The following SUGCT variants were observed in gnomAD, a reference collection of about 807,000 sequenced individuals.
SUGCT encodes succinyl-CoA:glutarate-CoA transferase.
A neutral mutation model predicts 55.0 loss-of-function variants in SUGCT; 41 were observed. The observed-to-expected ratio is 0.74, with a 90% CI of 0.58 to 0.97. The LOEUF is 0.97. SUGCT is among the 50% of genes least tolerant of loss of function. The probability of loss-of-function intolerance (pLI) is 0.00; values close to 1 mark genes in which losing one functional copy is unlikely to be tolerated. For synonymous variants in SUGCT, 187 were observed against 200.4 expected (o/e 0.93, Z 0.56); for missense variants, 568 against 547.8 (o/e 1.04, Z -0.37).
chr7:40,449,403 C>G, intron 10 of SUGCT, 45 bp downstream of exon 10: 1 of 1,498,894 alleles, frequency 6.7e-7, no homozygotes, highest in Non-Finnish European at 9.2e-7. Flanking sequence ...TGTACAAAGC[C>G]AGGGAAAGTT....
At chr7:40,279,634 G>T (rs1001891627) in intron 8 of SUGCT, among the ~76,000 whole-genome samples, 3 of 149,402 alleles carry the variant, frequency 2.0e-5, no homozygotes, top group African/African-American at 7.7e-5. Context: ...TTAAAAAGTT[G>T]GCTAATAACA....
At chr7:40,676,498 TTTTTTG>T (rs1264362504) in intron 12 of SUGCT, among the ~76,000 whole-genome samples, 3 of 129,748 alleles carry the variant, frequency 2.3e-5, no homozygotes, top group African/African-American at 7.9e-5. Context: ...TGCGGTTTTG[TTTTTTG>T]TTTTTTTTTT....
chr7:40,753,082 A>G (rs1788095879), intron 13 of SUGCT, among the ~76,000 whole-genome samples: 1 of 152,222 alleles, frequency 6.6e-6, no homozygotes. Flanking sequence ...CAGATGTCAG[A>G]TAAAAAGAGG....
chr7:40,883,805 A>G, the SUGCT span, among the ~76,000 whole-genome samples: 1 of 152,156 alleles, frequency 6.6e-6, no homozygotes, highest in African/African-American at 2.4e-5. Context: ...ATTTATCCCT[A>G]TCTCAGTCCC....
intron 9 of SUGCT, among the ~76,000 whole-genome samples, chr7:40,358,234 A>G (rs918362039): frequency 6.6e-6 from 1 of 152,214 alleles, no homozygotes; most frequent in Non-Finnish European, 1.5e-5. Context: ...AAAAATAGGG[A>G]GAGGTTATAC....
At chr7:40,166,111 G>C (rs1017137632) in intron 1 of SUGCT, among the ~76,000 whole-genome samples, 3 of 152,174 alleles carry the variant, frequency 2.0e-5, no homozygotes, top group African/African-American at 7.2e-5. Context: ...GACAGAGCTA[G>C]ACTCCATCTT....
At chr7:40,173,801 T>A (rs1376674092) in intron 1 of SUGCT, among the ~76,000 whole-genome samples, 2 of 151,008 alleles carry the variant, frequency 1.3e-5, no homozygotes, top group Non-Finnish European at 2.9e-5. Context: ...ATTTATTTAA[T>A]TGTACAATTT....
intron 1 of SUGCT, among the ~76,000 whole-genome samples, chr7:40,145,697 A>G (rs1788208791): frequency 6.6e-6 from 1 of 152,216 alleles, no homozygotes; most frequent in Non-Finnish European, 1.5e-5. Flanking sequence ...TTTGGTATTA[A>G]TAAGACCCTG....
intron 12 of SUGCT, among the ~76,000 whole-genome samples, chr7:40,599,268 G>A (rs1410629764): frequency 6.6e-6 from 1 of 152,166 alleles, no homozygotes; most frequent in African/African-American, 2.4e-5. Flanking sequence ...TGTGGGTAGC[G>A]TGTGTATTCT....
chr7:40,661,802 T>G (rs1801312073), intron 12 of SUGCT, among the ~76,000 whole-genome samples: 1 of 152,206 alleles, frequency 6.6e-6, no homozygotes, highest in Non-Finnish European at 1.5e-5. Flanking sequence ...GATTTCCTTC[T>G]TCTTGGTCTT....
intron 12 of SUGCT, among the ~76,000 whole-genome samples, chr7:40,590,258 C>T (rs79555726): frequency 0.011 from 1,735 of 152,146 alleles, 40 homozygotes; most frequent in African/African-American, 0.038. Context: ...TCCTGAAAGA[C>T]GATAATATTA....
At chr7:40,375,755 A>G (rs559595690) in intron 9 of SUGCT, among the ~76,000 whole-genome samples, 5 of 152,312 alleles carry the variant, frequency 3.3e-5, no homozygotes, top group Admixed American at 1.3e-4. Context: ...AAATAGACAT[A>G]TAAATTATGT....
At chr7:40,379,250 G>T (rs1383545806) in intron 9 of SUGCT, among the ~76,000 whole-genome samples, 9 of 152,156 alleles carry the variant, frequency 5.9e-5, no homozygotes, top group Admixed American at 5.9e-4. Flanking sequence ...AACTACCAGA[G>T]AATAAATTCC....
At chr7:40,972,022 C>A in the SUGCT span, among the ~76,000 whole-genome samples, 1 of 151,918 alleles carries the variant, frequency 6.6e-6, no homozygotes, top group Admixed American at 6.6e-5. Flanking sequence ...CTCTGGTTAA[C>A]ATTTTTCTTT....
the SUGCT span, among the ~76,000 whole-genome samples, chr7:40,958,144 G>A: frequency 1.3e-5 from 2 of 151,956 alleles, no homozygotes; most frequent in Non-Finnish European, 2.9e-5. Context: ...GTGTCTTGGG[G>A]TTGCTCTTCT....
At chr7:40,392,152 GA>G in intron 9 of SUGCT, among the ~76,000 whole-genome samples, 1 of 152,258 alleles carries the variant, frequency 6.6e-6, no homozygotes, top group African/African-American at 2.4e-5. Flanking sequence ...GGAGATGGGG[GA>G]GGGATAGAAT....
chr7:40,585,536 A>G (rs1316011036), intron 12 of SUGCT, among the ~76,000 whole-genome samples: 1 of 152,116 alleles, frequency 6.6e-6, no homozygotes, highest in African/African-American at 2.4e-5. Context: ...AGCCTCCCTG[A>G]CAATTACTTT....
chr7:40,359,511 G>A (rs894338301), intron 9 of SUGCT, among the ~76,000 whole-genome samples: 16 of 151,938 alleles, frequency 1.1e-4, no homozygotes, highest in African/African-American at 3.6e-4. Context: ...GGCCTGTTCT[G>A]TCATTTAGTA....
At chr7:40,423,489 C>T (rs967804896) in intron 9 of SUGCT, among the ~76,000 whole-genome samples, 2 of 152,050 alleles carry the variant, frequency 1.3e-5, no homozygotes, top group African/African-American at 4.8e-5. Flanking sequence ...TGTTCCTCAA[C>T]ATAATTTTTA....
Sources: allele counts gnomAD v4.1 joint callset (sites outside exome capture counted in the v4.1 genomes callset), GRCh38; gene constraint gnomAD v4.1.1; transcripts MANE v1.5; gene names NCBI Gene and HGNC (gene_info 2026-07-23, HGNC 2026-07-21).